Variants in VDAC1 observed in about 807,000 individuals in gnomAD.
VDAC1 encodes the protein non-selective voltage-gated ion channel VDAC1.
A neutral mutation model predicts 34.7 loss-of-function variants in VDAC1; 10 were observed. The ratio of observed to expected loss-of-function variants is 0.29; its 90% CI spans 0.18 to 0.49. VDAC1 has a LOEUF of 0.49. Ranked by LOEUF, VDAC1 falls within the 20% of genes least tolerant of loss-of-function variation. The pLI is 0.99. For missense variants in VDAC1, 230 were observed against 347.9 expected, an observed-to-expected ratio of 0.66 and a Z score of 2.69; for synonymous variants, 130 against 136.0, an observed-to-expected ratio of 0.96 and a Z score of 0.30.
At chr5:134,063,472 G>A in the VDAC1 span, among the ~76,000 whole-genome samples, 1 of 152,168 alleles carries the variant, frequency 6.6e-6, no homozygotes, top group Non-Finnish European at 1.5e-5. Context: ...GCCAAGATTT[G>A]TTATAATTTG....
At chr5:133,979,400 A>G (rs1215837583) in intron 6 of VDAC1, among the ~76,000 whole-genome samples, 1 of 148,756 alleles carries the variant, frequency 6.7e-6, no homozygotes, top group Middle Eastern at 3.5e-3. Context: ...AATTAAACAT[A>G]TAATAAAATT....
chr5:134,051,396 C>T, the VDAC1 span, among the ~76,000 whole-genome samples: 47 of 152,326 alleles, frequency 3.1e-4, no homozygotes, highest in African/African-American at 1.1e-3. Flanking sequence ...GACTAACCAA[C>T]GTTCTTCAAA....
the VDAC1 span, among the ~76,000 whole-genome samples, chr5:134,091,097 G>T: frequency 6.6e-6 from 1 of 152,184 alleles, no homozygotes. Context: ...AAAAATTAAG[G>T]CCATAGGGTA....
the VDAC1 span, among the ~76,000 whole-genome samples, chr5:134,076,221 C>CA: frequency 2.6e-5 from 4 of 152,096 alleles, no homozygotes; most frequent in Non-Finnish European, 5.9e-5. Context: ...TTAGGTGATC[C>CA]ACCTGCCTCG....
chr5:133,974,904 G>A (rs1247479536), intron 7 of VDAC1, among the ~76,000 whole-genome samples: 4 of 151,198 alleles, frequency 2.6e-5, no homozygotes, highest in African/African-American at 9.7e-5. Context: ...GCAGTGAGCT[G>A]AGATCGTGCC....
chr5:134,055,609 T>TTTTTTTTTTTTTTTTTTTTTTTTTTTC, the VDAC1 span, among the ~76,000 whole-genome samples: 1 of 142,522 alleles, frequency 7.0e-6, no homozygotes, highest in Non-Finnish European at 1.5e-5. Flanking sequence ...TTTTTTTTTT[T>TTTTTTTTTTTTTTTTTTTTTTTTTTTC]TTTTTTTTTT....
chr5:134,021,912 C>G, the VDAC1 span, among the ~76,000 whole-genome samples: 1 of 145,356 alleles, frequency 6.9e-6, no homozygotes. Context: ...GAGTCTCACT[C>G]TGTTGCCCAG....
chr5:134,059,821 G>A, the VDAC1 span, among the ~76,000 whole-genome samples: 21 of 151,616 alleles, frequency 1.4e-4, no homozygotes, highest in East Asian at 3.5e-3. Context: ...TTGATGTCTT[G>A]TTTGGGTTTC....
the VDAC1 span, among the ~76,000 whole-genome samples, chr5:134,027,561 TAAAC>T: frequency 1.7e-4 from 26 of 152,150 alleles, no homozygotes; most frequent in African/African-American, 6.0e-4. Flanking sequence ...GGGACCAACT[TAAAC>T]AAAGAAGATT....
the VDAC1 span, among the ~76,000 whole-genome samples, chr5:134,090,990 G>A: frequency 1.3e-5 from 2 of 152,160 alleles, no homozygotes; most frequent in African/African-American, 2.4e-5. Context: ...CTGTGGTCAG[G>A]AAGAAAAGTC....
At chr5:134,020,780 C>T in the VDAC1 span, among the ~76,000 whole-genome samples, 26 of 152,080 alleles carry the variant, frequency 1.7e-4, no homozygotes, top group African/African-American at 6.0e-4. Flanking sequence ...GGGTTCACGC[C>T]ATTCTCCTGC....
At chr5:134,054,043 T>C in the VDAC1 span, among the ~76,000 whole-genome samples, 13 of 152,246 alleles carry the variant, frequency 8.5e-5, no homozygotes, top group Non-Finnish European at 1.6e-4. Flanking sequence ...ATTAAGGATT[T>C]AATAACCATT....
At chr5:134,100,691 C>T in the VDAC1 span, among the ~76,000 whole-genome samples, 1 of 152,258 alleles carries the variant, frequency 6.6e-6, no homozygotes, top group African/African-American at 2.4e-5. Context: ...GGGGAATCCC[C>T]TCCAGCTCCC....
At chr5:134,054,848 C>T in the VDAC1 span, among the ~76,000 whole-genome samples, 4 of 152,148 alleles carry the variant, frequency 2.6e-5, no homozygotes, top group East Asian at 3.9e-4. Flanking sequence ...CCACAGGAAG[C>T]GGCGACTGAG....
chr5:134,004,825 C>T (rs1340562532), intron 1 of VDAC1, 70 bp downstream of exon 1: 1 of 150,772 alleles, frequency 6.6e-6, no homozygotes, highest in African/African-American at 2.4e-5. Context: ...CGCTCCGCCC[C>T]CAGGCCCCGC....
chr5:134,025,365 T>A, the VDAC1 span, among the ~76,000 whole-genome samples: 2 of 152,108 alleles, frequency 1.3e-5, no homozygotes, highest in African/African-American at 2.4e-5. Flanking sequence ...CATAAGAGGT[T>A]CACCCCCATG....
chr5:133,999,048 C>T lies in VDAC1; in HGVS notation c.-7+5847G>A, dbSNP rs1371380531. On this transcript the variant is annotated intron_variant, in intron 1 of 8. Transcript: ENST00000265333. ...GGCATGTGCCAGGCATGGTGGCTCA[C>T]GCCTCTAATCCCAGCACTTTGGGAG... 7.2e-5 allele frequency among the ~76,000 whole-genome samples: 11 copies of T among 152,168 alleles called. No homozygotes were observed. The South Asian group carries it at 1.5e-3, about 20-fold the overall frequency.
At chr5:134,025,360 G>C in the VDAC1 span, among the ~76,000 whole-genome samples, 2 of 152,160 alleles carry the variant, frequency 1.3e-5, no homozygotes, top group South Asian at 2.1e-4. Flanking sequence ...TCATTCATAA[G>C]AGGTTCACCC....
intron 1 of VDAC1, among the ~76,000 whole-genome samples, chr5:134,000,056 G>C (rs910812576): frequency 2.6e-5 from 4 of 152,078 alleles, no homozygotes; most frequent in African/African-American, 9.7e-5. Context: ...GGCAACCCTA[G>C]CTCTAAAAGC....
Sources: gnomAD v4.1 joint callset for allele counts (sites outside exome capture counted in the v4.1 genomes callset) on GRCh38, gnomAD v4.1.1 for gene constraint, MANE v1.5 for transcripts, NCBI Gene and HGNC (gene_info 2026-07-23, HGNC 2026-07-21) for gene names.